Variants in CLEC2A observed in about 807,000 individuals in gnomAD.
CLEC2A encodes keratinocyte-associated C-type lectin.
In CLEC2A, 19 loss-of-function variants were observed where a neutral mutation model predicts 18.6. The observed-to-expected ratio is 1.02, with a 90% CI of 0.71 to 1.50. The LOEUF is 1.50. Among genes scored for constraint, CLEC2A ranks in the 40% most tolerant of loss-of-function variants. The pLI is 0.00. For missense variants in CLEC2A, 190 were observed against 207.9 expected, an observed-to-expected ratio of 0.91 and a Z score of 0.53; for synonymous variants, 74 against 64.0, an observed-to-expected ratio of 1.16 and a Z score of -0.75.
chr12:9,888,286 C>T, the CLEC2A span, among the ~76,000 whole-genome samples: 4 of 151,422 alleles, frequency 2.6e-5, no homozygotes, highest in African/African-American at 7.3e-5. Flanking sequence ...GTCAGGAGAT[C>T]GAGACCATCC....
chr12:9,898,262 G>T (rs1261810192), downstream of CLEC2A, among the ~76,000 whole-genome samples: 1 of 152,096 alleles, frequency 6.6e-6, no homozygotes, highest in African/African-American at 2.4e-5. Flanking sequence ...TGACCCTCCT[G>T]GTCCTCAAAA....
the CLEC2A span, among the ~76,000 whole-genome samples, chr12:9,882,099 G>A: frequency 4.6e-5 from 7 of 151,540 alleles, no homozygotes; most frequent in African/African-American, 1.5e-4. Context: ...CTGGGAATGC[G>A]AGAAGAGAGA....
chr12:9,908,872 C>A (rs984216452), downstream of CLEC2A, among the ~76,000 whole-genome samples: 2 of 152,086 alleles, frequency 1.3e-5, no homozygotes, highest in African/African-American at 4.8e-5. Context: ...AGATTTTGGC[C>A]CCCTGGGGGC....
chr12:9,880,992 AAAAC>A, the CLEC2A span, among the ~76,000 whole-genome samples: 3 of 152,224 alleles, frequency 2.0e-5, no homozygotes, highest in Non-Finnish European at 2.9e-5. Context: ...CGTTTTCTGA[AAAAC>A]AAACAAACAA....
chr12:9,898,960 A>G (rs1447807854), exon 5 of CLEC2A: 1 of 715,810 alleles, frequency 1.4e-6, no homozygotes, highest in South Asian at 1.5e-5. Context: ...TTGCAAGACC[A>G]TTTGGAGTTT....
At chr12:9,902,957 G>A (rs925329918) in intron 4 of CLEC2A, among the ~76,000 whole-genome samples, 1 of 152,162 alleles carries the variant, frequency 6.6e-6, no homozygotes, top group African/African-American at 2.4e-5. Flanking sequence ...AGGTCTGCCT[G>A]TGGAGCACGA....
At chr12:9,920,467 G>A (rs1863151040) in intron 3 of CLEC2A, among the ~76,000 whole-genome samples, 1 of 152,180 alleles carries the variant, frequency 6.6e-6, no homozygotes, top group African/African-American at 2.4e-5. Flanking sequence ...TCCAGGGGTT[G>A]CACATTCACT....
intron 1 of CLEC2A, among the ~76,000 whole-genome samples, chr12:9,927,386 G>A (rs563734274): frequency 2.6e-5 from 4 of 152,118 alleles, no homozygotes; most frequent in Non-Finnish European, 5.9e-5. Flanking sequence ...TTGTTGTTAT[G>A]CAATCTGTCA....
chr12:9,913,014 AC>A (rs1863011029), downstream of CLEC2A, among the ~76,000 whole-genome samples: 1 of 152,234 alleles, frequency 6.6e-6, no homozygotes, highest in African/African-American at 2.4e-5. Flanking sequence ...CTTTGATACA[AC>A]CTTTGAATGC....
intron 3 of CLEC2A, 62 bp downstream of exon 3, chr12:9,922,004 G>T: frequency 7.6e-7 from 1 of 1,322,428 alleles, no homozygotes; most frequent in Non-Finnish European, 1.0e-6. Flanking sequence ...AGCTATTATT[G>T]TTTTATTATG....
At chr12:9,893,088 T>C in the CLEC2A span, 1 of 1,535,938 alleles carries the variant, frequency 6.5e-7, no homozygotes. Flanking sequence ...TTCAACTTCT[T>C]TTAAAACGTG....
chr12:9,893,818 A>C (rs1862718726), downstream of CLEC2A, among the ~76,000 whole-genome samples: 1 of 152,066 alleles, frequency 6.6e-6, no homozygotes, highest in African/African-American at 2.4e-5. Flanking sequence ...ATTCATAATA[A>C]TTTTTAAATT....
intron 4 of CLEC2A, among the ~76,000 whole-genome samples, chr12:9,901,729 T>C (rs1349228158): frequency 6.6e-6 from 1 of 152,216 alleles, no homozygotes; most frequent in Non-Finnish European, 1.5e-5. Flanking sequence ...AAAACACTGA[T>C]AATATGAAAT....
chr12:9,899,746 T>C (rs187173811), intron 4 of CLEC2A, among the ~76,000 whole-genome samples: 2 of 152,322 alleles, frequency 1.3e-5, no homozygotes, highest in Non-Finnish European at 2.9e-5. Flanking sequence ...CTAGACCTCA[T>C]TTATGCCATG....
At chr12:9,899,755 T>C (rs1862800614) in intron 4 of CLEC2A, among the ~76,000 whole-genome samples, 1 of 152,198 alleles carries the variant, frequency 6.6e-6, no homozygotes, top group South Asian at 2.1e-4. Context: ...ATTTATGCCA[T>C]GGATATCAAT....
intron 2 of CLEC2A, among the ~76,000 whole-genome samples, chr12:9,924,493 G>T (rs778739597): frequency 2.1e-5 from 3 of 143,830 alleles, no homozygotes; most frequent in Non-Finnish European, 3.0e-5. Context: ...AAAACAAAGA[G>T]CAGTGCTACT....
chr12:9,902,644 GAAAA>G (rs56875298), intron 4 of CLEC2A, among the ~76,000 whole-genome samples: 1 of 135,852 alleles, frequency 7.4e-6, no homozygotes, highest in Admixed American at 7.4e-5. Flanking sequence ...AATCTTGAAA[GAAAA>G]AAAAAAAAAG....
chr12:9,931,507 G>C (rs543008515), intron 1 of CLEC2A, among the ~76,000 whole-genome samples: 13 of 152,102 alleles, frequency 8.5e-5, no homozygotes, highest in Middle Eastern at 3.2e-3. Context: ...GCTAGAAATC[G>C]TATGGTAGAT....
chr12:9,922,192 C>G lies in CLEC2A; in HGVS notation c.180G>C (p.Gly60=). The change falls in exon 3 of 5, where the codon GGG becomes GGC. Residue 60 remains glycine (G), a synonymous_variant. Transcript: ENST00000455827. ...SKHAKPVACS[G]DWLGVRDKCF... ...ACTTATCTCTCACTCCAAGCCAGTC[C>G]CCTGAACATGCCACAGGTTTAGCAT... 4 of 1,550,304 alleles carry G rather than the reference C, an allele frequency of 2.6e-6. No individual in the cohort carries two copies. Among genetic ancestry groups the G allele is most frequent in the Middle Eastern group, 1.7e-4 (1 of 5,988 alleles).
Sources: gnomAD v4.1 joint callset for allele counts (sites outside exome capture counted in the v4.1 genomes callset) on GRCh38, gnomAD v4.1.1 for gene constraint, MANE v1.5 for transcripts, NCBI Gene and HGNC (gene_info 2026-07-23, HGNC 2026-07-21) for gene names.